Variants in DNAH5 observed in about 807,000 individuals in gnomAD.
DNAH5 encodes the protein axonemal beta dynein heavy chain 5.
In DNAH5, 372 loss-of-function variants were observed where a neutral mutation model predicts 518.2. The ratio of observed to expected loss-of-function variants is 0.72; its 90% CI spans 0.66 to 0.78. The LOEUF (loss-of-function observed/expected upper bound fraction) is 0.78. DNAH5 is among the 30% of genes least tolerant of loss of function. The probability of loss-of-function intolerance (pLI) is 0.00; values close to 1 mark genes in which losing one functional copy is unlikely to be tolerated. For synonymous variants in DNAH5, 2,039 were observed against 2,025.9 expected, an observed-to-expected ratio of 1.01 and a Z score of -0.17; for missense variants, 5,523 against 5,687.0, an observed-to-expected ratio of 0.97 and a Z score of 0.93.
At chr5:13,966,227 G>T (rs200862316) in intron 1 of DNAH5, among the ~76,000 whole-genome samples, 1 of 139,898 alleles carries the variant, frequency 7.1e-6, no homozygotes, top group Non-Finnish European at 1.6e-5. Flanking sequence ...GTGTATGTGT[G>T]TATATATATC....
intron 5 of DNAH5, among the ~76,000 whole-genome samples, chr5:13,921,663 G>A (rs1178664362): frequency 6.6e-6 from 1 of 150,758 alleles, no homozygotes; most frequent in African/African-American, 2.4e-5. Flanking sequence ...CACAGGATCA[G>A]ACTTGCTCTC....
chr5:14,011,550 A>G (rs1279490488), intron 1 of DNAH5, among the ~76,000 whole-genome samples: 1 of 151,688 alleles, frequency 6.6e-6, no homozygotes, highest in East Asian at 1.9e-4. Context: ...TCTGCCGCCA[A>G]CCCCGCGAGC....
intron 1 of DNAH5, among the ~76,000 whole-genome samples, chr5:13,966,956 G>A (rs1459298632): frequency 1.3e-5 from 2 of 152,140 alleles, no homozygotes; most frequent in Non-Finnish European, 2.9e-5. Flanking sequence ...GCACCTCCTG[G>A]ATTCAAGTGA....
chr5:13,996,750 A>G (rs570702757), intron 1 of DNAH5, among the ~76,000 whole-genome samples: 15 of 152,342 alleles, frequency 9.8e-5, no homozygotes, highest in African/African-American at 3.6e-4. Flanking sequence ...CCCACGGGGC[A>G]GCTCTCACGG....
At chr5:13,936,991 C>T (rs1443902437) in intron 1 of DNAH5, among the ~76,000 whole-genome samples, 1 of 152,048 alleles carries the variant, frequency 6.6e-6, no homozygotes, top group Non-Finnish European at 1.5e-5. Flanking sequence ...TTCTGTTAGT[C>T]ATCATTTGCT....
At chr5:13,829,353 G>A (rs1301536964) in intron 38 of DNAH5, among the ~76,000 whole-genome samples, 157 bp downstream of exon 38, 5 of 152,002 alleles carry the variant, frequency 3.3e-5, no homozygotes, top group Non-Finnish European at 7.4e-5. Flanking sequence ...AAAAAACTAT[G>A]CATATAAAAT....
At chr5:13,940,074 T>C (rs1779319791) in intron 1 of DNAH5, among the ~76,000 whole-genome samples, 1 of 152,128 alleles carries the variant, frequency 6.6e-6, no homozygotes, top group African/African-American at 2.4e-5. Flanking sequence ...TATCATTCCT[T>C]CCAGGCAAAT....
At chr5:13,896,349 CCTGA>C (rs1327820647) in intron 15 of DNAH5, among the ~76,000 whole-genome samples, 22 of 152,070 alleles carry the variant, frequency 1.4e-4, no homozygotes, top group African/African-American at 5.3e-4. Flanking sequence ...CCTGCACTTG[CCTGA>C]CTGTCTTCCT....
rs6877214 is a variant in DNAH5 at position 13,931,352 on chromosome 5, T to A, written c.58-108A>T. On this transcript the variant is annotated intron_variant, in intron 1 of 78. Coordinates refer to ENST00000265104, the MANE Select transcript of DNAH5 (RefSeq NM_001369.3). ...TTTTTTCAAGTCTTAGGTATCCAGA[T>A]AATAGACAGCTTAATGGTACCAATT... 4,296 of 1,323,032 alleles carry A rather than the reference T, an allele frequency of 3.2e-3. 115 individuals are homozygous for A. The African/African-American group carries it at 0.055, about 17-fold the overall frequency. 82.0% of individuals were successfully genotyped at this position (1,323,032 alleles called of 1,614,324 possible).
intron 72 of DNAH5, among the ~76,000 whole-genome samples, chr5:13,718,378 A>G (rs986446341): frequency 6.6e-6 from 1 of 152,184 alleles, no homozygotes; most frequent in African/African-American, 2.4e-5. Context: ...CCCCATACAT[A>G]AAGCTATGAA....
chr5:13,881,356 C>T (rs1208465327), intron 21 of DNAH5, among the ~76,000 whole-genome samples: 1 of 151,912 alleles, frequency 6.6e-6, no homozygotes, highest in Non-Finnish European at 1.5e-5. Flanking sequence ...TTCTCGAGTG[C>T]ACACAGAACA....
At chr5:13,965,955 C>A (rs1234145490) in intron 1 of DNAH5, among the ~76,000 whole-genome samples, 1 of 152,074 alleles carries the variant, frequency 6.6e-6, no homozygotes, top group Non-Finnish European at 1.5e-5. Flanking sequence ...TTTTGGTGCA[C>A]CCATCACCTG....
At chr5:13,841,591 T>C in intron 33 of DNAH5, 101 bp downstream of exon 33, 1 of 899,970 alleles carries the variant, frequency 1.1e-6, no homozygotes, top group Non-Finnish European at 1.8e-6. Context: ...AATACTGGTC[T>C]AGAGTTAAAT....
intron 59 of DNAH5, among the ~76,000 whole-genome samples, chr5:13,765,352 G>A (rs1456260804): frequency 6.6e-6 from 1 of 152,116 alleles, no homozygotes; most frequent in African/African-American, 2.4e-5. Context: ...GAATTTCACA[G>A]ACATGTTGAA....
chr5:13,928,449 T>C (rs1398577767), intron 2 of DNAH5, among the ~76,000 whole-genome samples: 1 of 152,242 alleles, frequency 6.6e-6, no homozygotes, highest in African/African-American at 2.4e-5. Context: ...CATCTATATT[T>C]GCAAATTCCC....
chr5:13,946,560 C>T (rs575147149), upstream of DNAH5, among the ~76,000 whole-genome samples: 8 of 152,282 alleles, frequency 5.3e-5, no homozygotes, highest in South Asian at 4.1e-4. Flanking sequence ...AAACATTGTT[C>T]GGTAGGAAAC....
intron 31 of DNAH5, among the ~76,000 whole-genome samples, chr5:13,846,289 C>A (rs1016684519): frequency 6.6e-6 from 1 of 152,164 alleles, no homozygotes; most frequent in Non-Finnish European, 1.5e-5. Context: ...CTCCTGCCAC[C>A]TCCACCCTCA....
At chr5:13,908,937 G>C (rs1561549818) in intron 12 of DNAH5, among the ~76,000 whole-genome samples, 1 of 152,154 alleles carries the variant, frequency 6.6e-6, no homozygotes, top group African/African-American at 2.4e-5. Flanking sequence ...GTTTTATAAA[G>C]ATGAGGGCTG....
intron 66 of DNAH5, 143 bp from the exon 67 acceptor site, chr5:13,736,075 A>G (rs1747369108): frequency 1.5e-6 from 1 of 678,930 alleles, no homozygotes; most frequent in South Asian, 1.6e-5. Flanking sequence ...ATACAAAGCG[A>G]TATTCATTTA....
Sources: allele counts gnomAD v4.1 joint callset (sites outside exome capture counted in the v4.1 genomes callset), GRCh38; gene constraint gnomAD v4.1.1; transcripts MANE v1.5; gene names NCBI Gene and HGNC (gene_info 2026-07-23, HGNC 2026-07-21).